Variants in ANKS1A observed in about 807,000 individuals in gnomAD.
ANKS1A encodes ankyrin repeat and SAM domain-containing protein 1A.
A neutral mutation model predicts 120.3 loss-of-function variants in ANKS1A; 55 were observed. The ratio of observed to expected loss-of-function variants is 0.46; its 90% CI spans 0.37 to 0.57. The LOEUF is 0.57. ANKS1A is among the 20% of genes least tolerant of loss of function. The probability of loss-of-function intolerance (pLI) is 0.00; values close to 1 mark genes in which losing one functional copy is unlikely to be tolerated. For synonymous variants in ANKS1A, 590 were observed against 604.7 expected (o/e 0.98, Z 0.36); for missense variants, 1,123 against 1,480.3 (o/e 0.76, Z 3.96).
In ANKS1A at chr6:35,089,221, G is replaced by C. The variant is rs903133119; in HGVS notation, c.*612G>C. On this transcript the variant is annotated 3_prime_UTR_variant, in exon 24 of 24. Transcript: ENST00000360359. ...TTCAGGGGCTAGACACAGGCTTCTC[G>C]TAAGAACACAGCCTTAGAGGCACCT... 15 of 992,456 alleles carry C rather than the reference G, an allele frequency of 1.5e-5. No individual in the cohort carries two copies. Among genetic ancestry groups the C allele is most frequent in the Non-Finnish European group, 1.7e-5 (14 of 833,508 alleles). The allele number at this position is 992,456 out of a possible 1,614,324, so 61.5% of individuals were successfully genotyped here. A position where few individuals can be genotyped will look rare whatever the true frequency, so the allele number is the denominator to read the frequency against.
At chr6:34,983,860 C>T (rs927785809) in intron 7 of ANKS1A, among the ~76,000 whole-genome samples, 1 of 146,104 alleles carries the variant, frequency 6.8e-6, no homozygotes, top group Non-Finnish European at 1.5e-5. Flanking sequence ...GGTGTGATCT[C>T]GGCTCACTGC....
intron 1 of ANKS1A, among the ~76,000 whole-genome samples, chr6:34,942,083 C>G (rs1769563579): frequency 6.6e-6 from 1 of 152,174 alleles, no homozygotes; most frequent in Non-Finnish European, 1.5e-5. Flanking sequence ...AATGCTTTGA[C>G]TGTCTTCAGT....
intron 13 of ANKS1A, among the ~76,000 whole-genome samples, chr6:35,067,913 G>A (rs1370709250): frequency 1.6e-5 from 2 of 122,688 alleles, no homozygotes; most frequent in African/African-American, 6.0e-5. Flanking sequence ...TTTTTGAGAC[G>A]GAGTTTCGCC....
chr6:34,983,105 C>G lies in ANKS1A; in HGVS notation c.809-8C>G. 1 of 1,613,414 alleles carries G rather than the reference C, an allele frequency of 6.2e-7. No homozygotes were observed. The highest frequency in any genetic ancestry group is 1.1e-5 in the South Asian group (1 of 90,936). On this transcript the variant is annotated splice_region_variant and splice_polypyrimidine_tract_variant and intron_variant, in intron 5 of 23. Transcript: ENST00000360359. Reference sequence around the variant, plus strand: ...CACTCCCCTGGTCCACCTGGTGTGCCTTTCTAGGAACTGACGTCAACATAA... The same window carrying G: ...CACTCCCCTGGTCCACCTGGTGTGCGTTTCTAGGAACTGACGTCAACATAA...
Position 35,026,513 on chromosome 6 carries a change from T to A in ANKS1A, c.2010+8454T>A, listed in dbSNP as rs1240092118. 5.1e-5 allele frequency among the ~76,000 whole-genome samples: 4 copies of A among 77,980 alleles called. No homozygotes were observed. The East Asian group carries it at 3.0e-3, about 58-fold the overall frequency. The allele number at this position is 77,980 out of a possible 152,430, so 51.2% of individuals were successfully genotyped here. On this transcript the variant is annotated intron_variant, in intron 11 of 23. Transcript: ENST00000360359. ...ATGAATAGGTAAAAATCGTAGTATG[T>A]AGTTGATGATGGGAGTGGTTATGAG...
At chr6:34,973,941 TC>T (rs1771339329) in intron 3 of ANKS1A, among the ~76,000 whole-genome samples, 1 of 86,038 alleles carries the variant, frequency 1.2e-5, no homozygotes, top group Non-Finnish European at 2.3e-5. Flanking sequence ...CCCTTCCCCT[TC>T]CCCTTCCCTT....
chr6:34,935,317 G>A (rs1161196812), intron 1 of ANKS1A, among the ~76,000 whole-genome samples: 1 of 152,154 alleles, frequency 6.6e-6, no homozygotes, highest in South Asian at 2.1e-4. Context: ...AAACTCCTGG[G>A]CTCAAGCATT....
At chr6:34,915,099 A>T (rs1768092057) in intron 1 of ANKS1A, among the ~76,000 whole-genome samples, 1 of 152,226 alleles carries the variant, frequency 6.6e-6, no homozygotes, top group Non-Finnish European at 1.5e-5. Flanking sequence ...TTCTGTTTGA[A>T]GTAGGAAGTA....
chr6:34,915,150 G>A (rs1405086145), intron 1 of ANKS1A, among the ~76,000 whole-genome samples: 1 of 152,188 alleles, frequency 6.6e-6, no homozygotes, highest in African/African-American at 2.4e-5. Flanking sequence ...AGGGTCATTT[G>A]AAGTCTATCT....
At chr6:34,935,467 T>C (rs1329983250) in intron 1 of ANKS1A, among the ~76,000 whole-genome samples, 1 of 152,220 alleles carries the variant, frequency 6.6e-6, no homozygotes, top group African/African-American at 2.4e-5. Flanking sequence ...ATTGCTGATA[T>C]GAGATTTATG....
intron 13 of ANKS1A, among the ~76,000 whole-genome samples, chr6:35,064,769 G>T (rs1022870958): frequency 6.6e-6 from 1 of 152,144 alleles, no homozygotes; most frequent in Non-Finnish European, 1.5e-5. Flanking sequence ...AATGGTCATG[G>T]CCAAGAGGCC....
intron 11 of ANKS1A, among the ~76,000 whole-genome samples, chr6:35,038,898 G>C (rs575597947): frequency 2.6e-5 from 4 of 152,262 alleles, no homozygotes; most frequent in Middle Eastern, 3.4e-3. Context: ...AATAATTATA[G>C]ATTCACAGGA....
downstream of ANKS1A, among the ~76,000 whole-genome samples, chr6:35,094,935 C>T (rs1778414216): frequency 6.6e-6 from 1 of 151,934 alleles, no homozygotes; most frequent in Non-Finnish European, 1.5e-5. Flanking sequence ...AGTCCAGGAG[C>T]TCAAGACCAG....
In ANKS1A at chr6:35,088,771, G is replaced by C; in HGVS notation, c.*162G>C. ...CTTGGCCTGGGCCTGCCACCACCAC[G>C]TCCTGCAGAACGAGCCCTGCCTTGG... On this transcript the variant is annotated 3_prime_UTR_variant, in exon 24 of 24. Coordinates refer to ENST00000360359, the MANE Select transcript of ANKS1A (RefSeq NM_015245.3). The C allele has an allele frequency of 7.7e-6, 12 of 1,553,706 alleles. No individual in the cohort carries two copies. The highest frequency in any genetic ancestry group is 1.0e-5 in the Non-Finnish European group (12 of 1,152,792).
In ANKS1A at chr6:35,085,350, C is replaced by T. The variant is rs116618719; in HGVS notation, c.3133-416C>T. ...TAACAATCACTGTGCTGTGTAAAATCACACAAGGAAAACCACAGGGTTTAT... is the reference window on the plus strand; with the variant it reads ...TAACAATCACTGTGCTGTGTAAAATTACACAAGGAAAACCACAGGGTTTAT... On this transcript the variant is annotated intron_variant, in intron 21 of 23. Transcript: ENST00000360359. This position sits in a 1 kb window ranked among gnomAD's most constrained non-coding sequence, Gnocchi z 4.7. Among the ~76,000 whole-genome samples the T allele has an allele frequency of 4.7e-3, 720 of 152,304 alleles. 4 individuals carry two copies. Among genetic ancestry groups the T allele is most frequent in the African/African-American group, 0.016 (683 of 41,554 alleles).
At chr6:34,967,456 G>A in intron 2 of ANKS1A, 137 bp downstream of exon 2, 1 of 671,074 alleles carries the variant, frequency 1.5e-6, no homozygotes, top group Non-Finnish European at 2.4e-6. Context: ...GGGAGGCCGA[G>A]GTGGGAGGAT....
Position 34,967,300 on chromosome 6 carries a change from G to T in ANKS1A, c.259G>T (p.Ala87Ser). The change falls in exon 2 of 24, where the codon GCT becomes TCT. Residue 87 changes from alanine to serine, a missense_variant. By Grantham distance (99) the Ala-to-Ser change is moderately conservative (BLOSUM62 1). Around this residue, in one of 3 missense-constraint regions of ANKS1A, gnomAD observed 146 missense variants for 267.8 expected, o/e 0.55. Coordinates refer to ENST00000360359, the MANE Select transcript of ANKS1A (RefSeq NM_015245.3). ...CACTGGCTACACACCCCTGCACCAT[G>T]CTGCTTTGAATGGCCATAAGTAAGT... ...DSTGYTPLHH[A>S]ALNGHKDVVE... 1 of 1,613,694 alleles carries T rather than the reference G, an allele frequency of 6.2e-7. No individual in the cohort carries two copies. Among genetic ancestry groups the T allele is most frequent in the Non-Finnish European group, 8.5e-7 (1 of 1,179,920 alleles).
At chr6:34,964,117 T>G (rs537252579) in intron 1 of ANKS1A, among the ~76,000 whole-genome samples, 1 of 152,294 alleles carries the variant, frequency 6.6e-6, no homozygotes, top group South Asian at 2.1e-4. Flanking sequence ...GAATCCCACT[T>G]TTTCTACTTA....
intron 1 of ANKS1A, among the ~76,000 whole-genome samples, chr6:34,950,222 C>CT (rs747865614): frequency 0.24 from 23,489 of 97,450 alleles, 2,485 homozygotes; most frequent in East Asian, 0.4. Flanking sequence ...TCTTTTCTCT[C>CT]TTTTTTTTTT....
Sources: allele counts gnomAD v4.1 joint callset (sites outside exome capture counted in the v4.1 genomes callset), GRCh38; gene constraint gnomAD v4.1.1; regional missense constraint gnomAD v4.1.1; non-coding constraint Gnocchi (gnomAD v3.1); transcripts MANE v1.5; gene names NCBI Gene and HGNC (gene_info 2026-07-23, HGNC 2026-07-21).